Variants in KLF3 observed in about 807,000 individuals in gnomAD.
The protein encoded by KLF3 is Krueppel-like factor 3.
In KLF3, 6 loss-of-function variants were observed where a neutral mutation model predicts 32.7. The ratio of observed to expected loss-of-function variants is 0.18; its 90% CI spans 0.10 to 0.36. KLF3 has a LOEUF of 0.36. Among genes scored for constraint, KLF3 ranks in the 10% least tolerant of loss-of-function variants. KLF3 has a pLI of 1.00. For missense variants in KLF3, 338 were observed against 449.7 expected (o/e 0.75, Z 2.25); for synonymous variants, 145 against 172.8 (o/e 0.84, Z 1.26).
At chr4:38,682,778 A>C (rs1435669513) in intron 2 of KLF3, among the ~76,000 whole-genome samples, 1 of 152,252 alleles carries the variant, frequency 6.6e-6, no homozygotes. Flanking sequence ...TAATACATGA[A>C]GTTAAAATAT....
chr4:38,683,310 C>T (rs756282734), intron 2 of KLF3, among the ~76,000 whole-genome samples: 1 of 152,232 alleles, frequency 6.6e-6, no homozygotes, highest in Admixed American at 6.5e-5. Context: ...AAGGATAGCA[C>T]AGCAGAAACA....
rs954589967 is a variant in KLF3, at chr4:38,698,673, C to A, written c.*1410C>A. The A allele has an allele frequency of 2.0e-5, 3 of 152,114 alleles. No homozygotes were observed. Among genetic ancestry groups the A allele is most frequent in the African/African-American group, 7.2e-5 (3 of 41,384 alleles). 9.4% of individuals were successfully genotyped at this position (152,114 alleles called of 1,614,324 possible). A position where few individuals can be genotyped will look rare whatever the true frequency, so the allele number is the denominator to read the frequency against. ...TCAGAACAAACTGAAAATAATGGCTCGTGTTTATGTTGAAGATAAATAGCA... is the reference window on the plus strand; with the variant it reads ...TCAGAACAAACTGAAAATAATGGCTAGTGTTTATGTTGAAGATAAATAGCA... On this transcript the variant is annotated 3_prime_UTR_variant, in exon 6 of 6. Transcript: ENST00000261438.
chr4:38,669,124 TACAC>T (rs150578444), intron 1 of KLF3, among the ~76,000 whole-genome samples: 44 of 152,314 alleles, frequency 2.9e-4, no homozygotes, highest in South Asian at 8.3e-4. Context: ...AAAAATAAAA[TACAC>T]ACAACCTCAT....
chr4:38,691,858 G>GA (rs1722887416), intron 4 of KLF3, among the ~76,000 whole-genome samples: 1 of 152,164 alleles, frequency 6.6e-6, no homozygotes, highest in African/African-American at 2.4e-5. Context: ...AGCTAGCCAG[G>GA]AAAGAATCAC....
chr4:38,666,051 A>G (rs1722026864), intron 1 of KLF3, among the ~76,000 whole-genome samples: 2 of 152,156 alleles, frequency 1.3e-5, no homozygotes, highest in African/African-American at 4.8e-5. Flanking sequence ...ATTAAATTAA[A>G]CTCCCTAGAG....
rs775966171 is a variant in KLF3, at chr4:38,688,747, T to A, written c.220T>A (p.Ser74Thr). 1.2e-6 allele frequency: 2 copies of A among 1,614,006 alleles called. No individual in the cohort carries two copies. Among genetic ancestry groups the A allele is most frequent in the African/African-American group, 2.7e-5 (2 of 74,894 alleles). The stretch of plus-strand genomic sequence containing the variant: ...GGTGAACAAGCGGAGTTCACCCCCT[T>A]CGGCTGGGAATTCGCCCTCCTCTCT... ...LTVNKRSSPPSAGNSPSSLKF... is the reference protein window; with the variant it reads ...LTVNKRSSPPTAGNSPSSLKF... Residue 74 changes from serine to threonine, a missense_variant, in exon 3 of 6, where the codon TCG becomes ACG. This residue lies in a region of KLF3 where 272 missense variants were observed against 313.4 expected (regional missense o/e 0.87). Coordinates refer to ENST00000261438, the MANE Select transcript of KLF3 (RefSeq NM_016531.6). The surrounding 1 kb of genome is among the most constrained non-coding windows in gnomAD (Gnocchi z 4.9).
chr4:38,680,802 G>C, intron 2 of KLF3, 120 bp downstream of exon 2: 1 of 732,864 alleles, frequency 1.4e-6, no homozygotes, highest in Admixed American at 2.0e-5. Flanking sequence ...TGTAATCCCA[G>C]CACTTTGGGA....
At chr4:38,689,999 T>A in intron 4 of KLF3, 120 bp downstream of exon 4, 1 of 964,924 alleles carries the variant, frequency 1.0e-6, no homozygotes, top group Non-Finnish European at 1.5e-6. Flanking sequence ...GCTTGTGATC[T>A]GTGGCCGCCA....
At chr4:38,691,824 C>T (rs1039651192) in intron 4 of KLF3, among the ~76,000 whole-genome samples, 4 of 152,168 alleles carry the variant, frequency 2.6e-5, no homozygotes, top group Non-Finnish European at 5.9e-5. Context: ...GGAGTATGCC[C>T]AGTAGCAGCC....
intron 2 of KLF3, among the ~76,000 whole-genome samples, chr4:38,686,946 C>T (rs1392276541): frequency 6.6e-6 from 1 of 152,198 alleles, no homozygotes. Context: ...CGAGGATTCG[C>T]CCAGACCAAG....
intron 5 of KLF3, among the ~76,000 whole-genome samples, chr4:38,695,570 T>C (rs1020409907): frequency 2.0e-5 from 3 of 152,110 alleles, no homozygotes; most frequent in African/African-American, 4.8e-5. Context: ...CTTAAGGAAA[T>C]AATACAAAAA....
Position 38,674,604 on chromosome 4 carries a change from G to A in KLF3, c.-39-5983G>A, listed in dbSNP as rs766084219. Reference sequence around the variant, plus strand: ...GCCTAGCCGAGGTCAGCTGGGAGACGGAAGTTTGCTTGGAGGAAGGCAGGT... The same window carrying A: ...GCCTAGCCGAGGTCAGCTGGGAGACAGAAGTTTGCTTGGAGGAAGGCAGGT... On this transcript the variant is annotated intron_variant, in intron 1 of 5. Coordinates refer to ENST00000261438, the MANE Select transcript of KLF3 (RefSeq NM_016531.6). This position sits in a 1 kb window ranked among gnomAD's most constrained non-coding sequence, Gnocchi z 4.1. 6.6e-6 allele frequency among the ~76,000 whole-genome samples: 1 copy of A among 152,124 alleles called. No individual in the cohort carries two copies. Among genetic ancestry groups the A allele is most frequent in the Non-Finnish European group, 1.5e-5 (1 of 68,032 alleles).
At chr4:38,667,197 G>T (rs4833081) in intron 1 of KLF3, among the ~76,000 whole-genome samples, 1 of 152,198 alleles carries the variant, frequency 6.6e-6, no homozygotes, top group African/African-American at 2.4e-5. Context: ...CATGAATATA[G>T]GGTCAGGGAG....
rs1304037156 is a variant in KLF3 at position 38,697,503 on chromosome 4, G to A, written c.*240G>A. Reference sequence around the variant, plus strand: ...GAACACTTTTTTTTTTTTTTCTGGGGATGCTAAGCAAACCCTTCTTACAGA... The same window carrying A: ...GAACACTTTTTTTTTTTTTTCTGGGAATGCTAAGCAAACCCTTCTTACAGA... On this transcript the variant is annotated 3_prime_UTR_variant, in exon 6 of 6. Coordinates refer to ENST00000261438, the MANE Select transcript of KLF3 (RefSeq NM_016531.6). 2.0e-5 allele frequency: 8 copies of A among 398,140 alleles called. No individual in the cohort carries two copies. Among genetic ancestry groups the A allele is most frequent in the Non-Finnish European group, 3.1e-5 (7 of 223,932 alleles). 24.7% of individuals were successfully genotyped at this position (398,140 alleles called of 1,614,324 possible).
At chr4:38,687,820 G>C (rs200238867) in intron 2 of KLF3, among the ~76,000 whole-genome samples, 16 of 152,148 alleles carry the variant, frequency 1.1e-4, no homozygotes, top group African/African-American at 3.9e-4. Flanking sequence ...CATCATTGCC[G>C]CAGTGAGGGT....
rs979600635 is a variant in KLF3, at chr4:38,700,299, A to G, written c.*3036A>G. The G allele has an allele frequency of 1.3e-5, 2 of 152,220 alleles. No homozygotes were observed. Among genetic ancestry groups the G allele is most frequent in the Admixed American group, 1.3e-4 (2 of 15,286 alleles). The allele number at this position is 152,220 out of a possible 1,614,324, so 9.4% of individuals were successfully genotyped here. On this transcript the variant is annotated 3_prime_UTR_variant, in exon 6 of 6. Transcript: ENST00000261438. ...ATTTTATTAAACACCCATCTGCACT[A>G]TCAGTATTGCACTAATGTGGAATTT...
At chr4:38,687,771 G>A (rs554346311) in intron 2 of KLF3, among the ~76,000 whole-genome samples, 2 of 152,148 alleles carry the variant, frequency 1.3e-5, no homozygotes, top group Non-Finnish European at 2.9e-5. Flanking sequence ...GCTTCATTCA[G>A]ATTCTGAATA....
At chr4:38,669,659 G>A (rs1023192625) in intron 1 of KLF3, among the ~76,000 whole-genome samples, 27 of 151,984 alleles carry the variant, frequency 1.8e-4, no homozygotes, top group African/African-American at 6.3e-4. Flanking sequence ...TTGGGAGGCC[G>A]AAGTGGGTGG....
chr4:38,690,802 A>G (rs1351352763), intron 4 of KLF3: 2 of 152,186 alleles, frequency 1.3e-5, no homozygotes, highest in African/African-American at 4.8e-5. Context: ...TCTCACAATT[A>G]ACTCTACAGC....
Sources: gnomAD v4.1 joint callset for allele counts (sites outside exome capture counted in the v4.1 genomes callset) on GRCh38, gnomAD v4.1.1 for gene constraint, gnomAD v4.1.1 regional missense constraint, Gnocchi (gnomAD v3.1) non-coding constraint, MANE v1.5 for transcripts, NCBI Gene and HGNC (gene_info 2026-07-23, HGNC 2026-07-21) for gene names.